Variants in FHIT observed in about 807,000 individuals in gnomAD.
The protein encoded by FHIT is fragile histidine triad diadenosine triphosphatase.
A neutral mutation model predicts 17.9 loss-of-function variants in FHIT; 19 were observed. That is an observed-to-expected ratio of 1.06 (90% CI 0.74 to 1.56). The LOEUF is 1.56. Among genes scored for constraint, FHIT ranks in the 40% most tolerant of loss-of-function variants. The pLI, the probability that FHIT is intolerant of heterozygous loss-of-function variation, is 0.00. For missense variants in FHIT, 248 were observed against 189.2 expected, an observed-to-expected ratio of 1.31 and a Z score of -1.82; for synonymous variants, 81 against 69.7, an observed-to-expected ratio of 1.16 and a Z score of -0.81.
intron 3 of FHIT, among the ~76,000 whole-genome samples, chr3:60,921,880 C>A (rs1354024297): frequency 2.0e-5 from 3 of 152,158 alleles, no homozygotes; most frequent in Non-Finnish European, 4.4e-5. Context: ...CCTGATCATG[C>A]CAAGACATCA....
intron 4 of FHIT, among the ~76,000 whole-genome samples, chr3:60,807,909 A>G (rs1016226418): frequency 2.0e-5 from 3 of 152,254 alleles, no homozygotes. Flanking sequence ...ACCTTAAATA[A>G]GATGTCGATA....
chr3:60,488,900 A>T (rs977368600), intron 5 of FHIT, among the ~76,000 whole-genome samples: 22 of 152,190 alleles, frequency 1.4e-4, no homozygotes, highest in African/African-American at 5.1e-4. Context: ...TTTGCTGAAT[A>T]ATTTCAATGA....
At chr3:60,235,300 G>A (rs1472702076) in intron 5 of FHIT, among the ~76,000 whole-genome samples, 1 of 148,726 alleles carries the variant, frequency 6.7e-6, no homozygotes, top group Admixed American at 6.7e-5. Context: ...GCGTGGTCTC[G>A]GCTCACTGCA....
At chr3:59,901,222 G>A (rs866372171) in intron 8 of FHIT, among the ~76,000 whole-genome samples, 1 of 152,294 alleles carries the variant, frequency 6.6e-6, no homozygotes, top group Middle Eastern at 3.4e-3. Flanking sequence ...AAGAATATGA[G>A]AGTGGAAAAG....
intron 5 of FHIT, among the ~76,000 whole-genome samples, chr3:60,292,341 C>A (rs973406892): frequency 1.3e-5 from 2 of 151,774 alleles, no homozygotes; most frequent in Non-Finnish European, 2.9e-5. Flanking sequence ...CGGATATCAT[C>A]TCAGGATTAG....
chr3:60,336,040 G>A (rs374717148), intron 5 of FHIT, among the ~76,000 whole-genome samples: 3 of 152,262 alleles, frequency 2.0e-5, no homozygotes, highest in East Asian at 1.9e-4. Flanking sequence ...ACAGCTGTTG[G>A]CCTGTACAAG....
chr3:60,622,146 C>T (rs2039150546), intron 4 of FHIT, among the ~76,000 whole-genome samples: 1 of 152,136 alleles, frequency 6.6e-6, no homozygotes, highest in South Asian at 2.1e-4. Context: ...AAAACCCGGG[C>T]AAGCCTCCAT....
chr3:60,294,968 G>A (rs1408614191), intron 5 of FHIT, among the ~76,000 whole-genome samples: 1 of 152,148 alleles, frequency 6.6e-6, no homozygotes, highest in African/African-American at 2.4e-5. Flanking sequence ...TGGCCATTAT[G>A]AATAAAGCTG....
intron 3 of FHIT, among the ~76,000 whole-genome samples, chr3:61,003,143 T>G (rs2031211608): frequency 6.6e-6 from 1 of 152,270 alleles, no homozygotes; most frequent in East Asian, 1.9e-4. Context: ...TATAAATAAT[T>G]TATTGTCTAT....
chr3:60,178,081 A>G (rs1701761398), intron 5 of FHIT, among the ~76,000 whole-genome samples: 1 of 152,200 alleles, frequency 6.6e-6, no homozygotes, highest in Non-Finnish European at 1.5e-5. Context: ...ATTAGCTATT[A>G]TATAAAACAC....
chr3:61,049,706 T>C (rs1303697810), intron 2 of FHIT, among the ~76,000 whole-genome samples: 7 of 152,178 alleles, frequency 4.6e-5, no homozygotes, highest in African/African-American at 7.2e-5. Flanking sequence ...ATAGTGGTGA[T>C]TGGGTTCAGG....
chr3:60,256,214 G>A (rs1705985004), intron 5 of FHIT, among the ~76,000 whole-genome samples: 1 of 152,106 alleles, frequency 6.6e-6, no homozygotes, highest in African/African-American at 2.4e-5. Context: ...ATTAGTAACT[G>A]AAATGAGCAA....
chr3:61,010,123 C>T (rs953770181), intron 3 of FHIT, among the ~76,000 whole-genome samples: 13 of 151,860 alleles, frequency 8.6e-5, no homozygotes, highest in Non-Finnish European at 1.6e-4. Flanking sequence ...GGTATCTCTG[C>T]GCATATCTTC....
chr3:60,437,541 TGTGCTCA>T (rs1559912217), intron 5 of FHIT, among the ~76,000 whole-genome samples: 2 of 152,254 alleles, frequency 1.3e-5, no homozygotes, highest in East Asian at 3.9e-4. Context: ...TCCTATGCAC[TGTGCTCA>T]GAGATTACAT....
In FHIT at chr3:60,679,486, A is replaced by T. The variant is rs192832875; in HGVS notation, c.-18+142433T>A. 6.1e-3 allele frequency among the ~76,000 whole-genome samples: 936 copies of T among 152,204 alleles called. 11 individuals are homozygous for T. The highest frequency in any genetic ancestry group is 0.021 in the African/African-American group (871 of 41,548). On this transcript the variant is annotated intron_variant, in intron 4 of 9. Coordinates refer to ENST00000492590, the MANE Select transcript of FHIT (RefSeq NM_002012.4). ...TGCCTTCTTTTTTTGCTATTTGTTT[A>T]ATTTTTAAACCAAATTCGGATTACA...
intron 5 of FHIT, among the ~76,000 whole-genome samples, chr3:60,075,441 T>G (rs1702962061): frequency 6.6e-6 from 1 of 152,104 alleles, no homozygotes; most frequent in African/African-American, 2.4e-5. Context: ...ATTTAAAAAA[T>G]AATACAATAG....
At chr3:60,611,792 T>C (rs1208871823) in intron 4 of FHIT, among the ~76,000 whole-genome samples, 3 of 152,164 alleles carry the variant, frequency 2.0e-5, no homozygotes, top group African/African-American at 7.2e-5. Flanking sequence ...TATCCAGTAG[T>C]TTGATTTCAT....
intron 1 of FHIT, among the ~76,000 whole-genome samples, chr3:61,214,270 A>G (rs532450715): frequency 5.9e-5 from 9 of 152,316 alleles, no homozygotes; most frequent in South Asian, 2.1e-4. Context: ...CAAGACTAAT[A>G]AAGAAGAAAA....
chr3:61,035,719 C>T (rs1050644843), intron 3 of FHIT, among the ~76,000 whole-genome samples: 1 of 152,126 alleles, frequency 6.6e-6, no homozygotes, highest in Non-Finnish European at 1.5e-5. Context: ...AATGACATAA[C>T]ATCTCCTTTT....
Sources: allele counts gnomAD v4.1 joint callset (sites outside exome capture counted in the v4.1 genomes callset), GRCh38; gene constraint gnomAD v4.1.1; transcripts MANE v1.5; gene names NCBI Gene and HGNC (gene_info 2026-07-23, HGNC 2026-07-21).